RBFOX3: variants seen among roughly 807,000 people sequenced by gnomAD.
RBFOX3 encodes RNA binding fox-1 homolog 3.
RBFOX3 carries 17 observed loss-of-function variants against 48.7 expected under a neutral mutation model. That is an observed-to-expected ratio of 0.35 (90% confidence interval 0.24 to 0.52). The LOEUF is 0.52. Among genes scored for constraint, RBFOX3 ranks in the 20% least tolerant of loss-of-function variants. RBFOX3 has a pLI of 0.94. For missense variants in RBFOX3, 382 were observed against 497.5 expected (o/e 0.77, Z 2.21); for synonymous variants, 212 against 209.5 (o/e 1.01, Z -0.10).
At chr17:79,591,777 A>G (rs2093422862) in intron 1 of RBFOX3, among the ~76,000 whole-genome samples, 1 of 152,016 alleles carries the variant, frequency 6.6e-6, no homozygotes, top group African/African-American at 2.4e-5. Flanking sequence ...TGAGGATGGA[A>G]TAAAAGCTAT....
intron 1 of RBFOX3, among the ~76,000 whole-genome samples, chr17:79,607,436 G>A (rs2093858488): frequency 6.6e-6 from 1 of 152,152 alleles, no homozygotes. Context: ...CCCTGCAAGG[G>A]CTGAAAAATA....
chr17:79,557,522 C>T (rs1024915415), intron 1 of RBFOX3, among the ~76,000 whole-genome samples: 3 of 152,174 alleles, frequency 2.0e-5, no homozygotes, highest in East Asian at 1.9e-4. Flanking sequence ...CGTGGGAGCC[C>T]GGCGGTGGTG....
chr17:79,356,982 A>G (rs558419318), intron 2 of RBFOX3, among the ~76,000 whole-genome samples: 1 of 152,208 alleles, frequency 6.6e-6, no homozygotes, highest in South Asian at 2.1e-4. Context: ...TTGAGAAGCT[A>G]TGTCCTAAAG....
intron 14 of RBFOX3, chr17:79,092,725 AAC>A: frequency 1.4e-6 from 1 of 729,992 alleles, no homozygotes; most frequent in Non-Finnish European, 1.7e-6. Flanking sequence ...AAAAAGGAAA[AAC>A]AAAAAGAGAA....
intron 14 of RBFOX3, among the ~76,000 whole-genome samples, chr17:79,092,937 C>T (rs1358669175): frequency 6.7e-6 from 1 of 148,638 alleles, no homozygotes; most frequent in Admixed American, 6.7e-5. Flanking sequence ...CAGGCCTGGC[C>T]TCTCACTGTC....
intron 14 of RBFOX3, 122 bp downstream of exon 14, chr17:79,094,329 C>T: frequency 3.0e-6 from 2 of 656,424 alleles, no homozygotes; most frequent in Non-Finnish European, 4.8e-6. Context: ...GGCCGTGGTC[C>T]TTCCAAAGTC....
intron 2 of RBFOX3, among the ~76,000 whole-genome samples, chr17:79,417,088 C>T (rs2148676666): frequency 6.6e-6 from 1 of 152,362 alleles, no homozygotes; most frequent in South Asian, 2.1e-4. Flanking sequence ...CACATCTCTC[C>T]TGGCAGGGTG....
intron 4 of RBFOX3, among the ~76,000 whole-genome samples, chr17:79,173,825 G>A (rs573745133): frequency 2.1e-4 from 31 of 151,156 alleles, no homozygotes; most frequent in African/African-American, 6.6e-4. Flanking sequence ...TCCACCTATC[G>A]GAATGGACTC....
At chr17:79,099,024 C>T (rs998088157) in intron 9 of RBFOX3, 13 of 152,296 alleles carry the variant, frequency 8.5e-5, no homozygotes, top group East Asian at 5.8e-4. Context: ...CACCCCACCC[C>T]GCATCCCCGG....
At chr17:79,537,528 G>T (rs1195934857) in intron 1 of RBFOX3, among the ~76,000 whole-genome samples, 4 of 152,170 alleles carry the variant, frequency 2.6e-5, no homozygotes, top group Non-Finnish European at 5.9e-5. Context: ...GCCAAGGGGG[G>T]ACAGTGTCCT....
At position 79,255,215 on chromosome 17, in the gene RBFOX3, A is replaced by ATGTGTGTG. The variant is rs1491568643; in HGVS notation, c.-73-19411_-73-19410insCACACACA. ...GGGAGCTGAGTGGCCCTGTGGTCAC[A>ATGTGTGTG]TGTGTGCGTGTGTGTGTGTGTGTGT... On this transcript the variant is annotated intron_variant, in intron 3 of 14. Transcript: ENST00000693108. Among the ~76,000 whole-genome samples the ATGTGTGTG allele has an allele frequency of 9.3e-5, 12 of 128,800 alleles. No individual in the cohort carries two copies. The South Asian group carries it at 1.4e-3, about 15-fold the overall frequency. 84.5% of individuals were successfully genotyped at this position (128,800 alleles called of 152,430 possible). A position where few individuals can be genotyped will look rare whatever the true frequency, so the allele number is the denominator to read the frequency against.
rs2064061790 is a variant in RBFOX3 at position 79,252,168 on chromosome 17, T to C, written c.-73-16363A>G. On this transcript the variant is annotated intron_variant, in intron 3 of 14. Transcript: ENST00000693108. The surrounding 1 kb of genome is among the most constrained non-coding windows in gnomAD (Gnocchi z 4.0). Reference sequence around the variant, plus strand: ...CCTTTGCCTAGTGGGTAACTGGGCATTGCAGGGCCCCTTCTCCTTCCACCC... The same window carrying C: ...CCTTTGCCTAGTGGGTAACTGGGCACTGCAGGGCCCCTTCTCCTTCCACCC... 6.6e-6 allele frequency among the ~76,000 whole-genome samples: 1 copy of C among 152,144 alleles called. No homozygotes were observed.
chr17:79,500,806 GA>G (rs2082284444), intron 1 of RBFOX3, among the ~76,000 whole-genome samples: 1 of 152,198 alleles, frequency 6.6e-6, no homozygotes, highest in Admixed American at 6.5e-5. Flanking sequence ...AAGTGACAGT[GA>G]AGCCCAGGAA....
At chr17:79,396,529 CA>C (rs1434473384) in intron 2 of RBFOX3, among the ~76,000 whole-genome samples, 2 of 152,154 alleles carry the variant, frequency 1.3e-5, no homozygotes, top group Non-Finnish European at 2.9e-5. Flanking sequence ...TTCCTTAATG[CA>C]AATTTTATTC....
chr17:79,145,155 G>A (rs1382032901), intron 4 of RBFOX3, among the ~76,000 whole-genome samples: 1 of 152,168 alleles, frequency 6.6e-6, no homozygotes, highest in East Asian at 1.9e-4. Context: ...GAAGCCCAGA[G>A]CCCGAGTTTG....
chr17:79,487,677 T>A (rs1410008382), intron 1 of RBFOX3, among the ~76,000 whole-genome samples: 10 of 152,010 alleles, frequency 6.6e-5, no homozygotes, highest in African/African-American at 2.4e-4. Context: ...TTTGGGACGC[T>A]GAGGTGGGTG....
At chr17:79,613,155 G>A (rs1251250006), upstream of RBFOX3, among the ~76,000 whole-genome samples, 2 of 152,230 alleles carry the variant, frequency 1.3e-5, no homozygotes, top group African/African-American at 4.8e-5. Flanking sequence ...CCTTGGGGAC[G>A]TTCTGGAAGA....
intron 4 of RBFOX3, among the ~76,000 whole-genome samples, chr17:79,203,890 A>C: frequency 6.6e-6 from 1 of 152,150 alleles, no homozygotes; most frequent in East Asian, 1.9e-4. Flanking sequence ...ACCCACGGAC[A>C]TGGCACTTCT....
At chr17:79,571,672 C>G (rs1200147043) in intron 1 of RBFOX3, among the ~76,000 whole-genome samples, 1 of 152,098 alleles carries the variant, frequency 6.6e-6, no homozygotes, top group South Asian at 2.1e-4. Context: ...CAGGATCTCA[C>G]GTTATCTTGC....
Sources: allele counts gnomAD v4.1 joint callset (sites outside exome capture counted in the v4.1 genomes callset), GRCh38; gene constraint gnomAD v4.1.1; non-coding constraint Gnocchi (gnomAD v3.1); transcripts MANE v1.5; gene names NCBI Gene and HGNC (gene_info 2026-07-23, HGNC 2026-07-21).